Variants in DIS3L2 observed in about 807,000 individuals in gnomAD.
DIS3L2 encodes DIS3 like 3'-5' exoribonuclease 2.
Under a neutral mutation model 97.5 loss-of-function variants are expected in DIS3L2, and 34 were observed. That is an observed-to-expected ratio of 0.35 (90% confidence interval 0.27 to 0.46). The LOEUF is 0.46. DIS3L2 is among the 20% of genes least tolerant of loss of function. DIS3L2 has a pLI of 1.00. For missense variants in DIS3L2, 1,038 were observed against 1,146.0 expected, an observed-to-expected ratio of 0.91 and a Z score of 1.36; for synonymous variants, 435 against 445.2, an observed-to-expected ratio of 0.98 and a Z score of 0.29.
chr2:232,193,426 G>A (rs1691668439), intron 9 of DIS3L2, among the ~76,000 whole-genome samples: 1 of 152,210 alleles, frequency 6.6e-6, no homozygotes, highest in South Asian at 2.1e-4. Context: ...TTGTGGCAGA[G>A]TTTAATGTAA....
chr2:231,981,150 G>A (rs2106178219), intron 1 of DIS3L2, among the ~76,000 whole-genome samples: 1 of 152,160 alleles, frequency 6.6e-6, no homozygotes, highest in Middle Eastern at 3.4e-3. Context: ...CTCCATGTTG[G>A]GCAGGCTAGT....
intron 13 of DIS3L2, among the ~76,000 whole-genome samples, chr2:232,266,863 C>T (rs989817502): frequency 2.6e-5 from 4 of 152,076 alleles, no homozygotes; most frequent in Admixed American, 2.0e-4. Context: ...TGAGTCTGTG[C>T]GAGGGGGTAC....
chr2:232,139,630 T>C (rs1375753704), intron 8 of DIS3L2, among the ~76,000 whole-genome samples: 1 of 152,158 alleles, frequency 6.6e-6, no homozygotes, highest in Non-Finnish European at 1.5e-5. Context: ...AACAGAATGT[T>C]CTAAGTTCTT....
At chr2:232,052,411 G>A (rs900547452) in intron 5 of DIS3L2, among the ~76,000 whole-genome samples, 1 of 152,162 alleles carries the variant, frequency 6.6e-6, no homozygotes, top group African/African-American at 2.4e-5. Context: ...TCTCCTTGGG[G>A]TCTCAAATAC....
At chr2:232,317,446 G>T (rs955062073) in intron 14 of DIS3L2, among the ~76,000 whole-genome samples, 2 of 152,072 alleles carry the variant, frequency 1.3e-5, no homozygotes, top group Non-Finnish European at 2.9e-5. Context: ...GGGGTGGGGA[G>T]GTAGAAGGTA....
intron 11 of DIS3L2, among the ~76,000 whole-genome samples, chr2:232,245,159 T>G (rs1014452226): frequency 3.3e-5 from 5 of 152,182 alleles, no homozygotes; most frequent in Non-Finnish European, 7.4e-5. Context: ...GCCAGGAGTT[T>G]CCCAGCTCCT....
At chr2:231,971,051 CTT>C (rs1434297704) in intron 1 of DIS3L2, among the ~76,000 whole-genome samples, 1 of 152,230 alleles carries the variant, frequency 6.6e-6, no homozygotes, top group Non-Finnish European at 1.5e-5. Context: ...GCTGAAAAGT[CTT>C]CAGGGGCAGT....
At chr2:232,305,760 G>A (rs2106326299) in intron 14 of DIS3L2, among the ~76,000 whole-genome samples, 1 of 152,180 alleles carries the variant, frequency 6.6e-6, no homozygotes, top group South Asian at 2.1e-4. Context: ...TTCGAGACCA[G>A]CCTGGCCAAC....
intron 5 of DIS3L2, among the ~76,000 whole-genome samples, chr2:232,082,236 C>A (rs1374183060): frequency 6.6e-6 from 1 of 152,168 alleles, no homozygotes; most frequent in Non-Finnish European, 1.5e-5. Flanking sequence ...GAATAAAATG[C>A]TTTAAAGAAG....
At chr2:232,241,716 C>G (rs1399820871) in intron 11 of DIS3L2, among the ~76,000 whole-genome samples, 1 of 152,200 alleles carries the variant, frequency 6.6e-6, no homozygotes, top group East Asian at 1.9e-4. Flanking sequence ...GTCTGTCTTT[C>G]TCAGAAGGAC....
intron 15 of DIS3L2, 58 bp downstream of exon 15, chr2:232,330,054 TG>T: frequency 6.5e-7 from 1 of 1,550,278 alleles, no homozygotes; most frequent in Non-Finnish European, 8.7e-7. Context: ...GAGAAAGACC[TG>T]GAAGGTGGGG....
At chr2:232,068,577 G>A (rs1421815604) in intron 5 of DIS3L2, among the ~76,000 whole-genome samples, 1 of 150,886 alleles carries the variant, frequency 6.6e-6, no homozygotes, top group African/African-American at 2.4e-5. Context: ...GTGAGACCCT[G>A]CCTCAAAAAA....
chr2:232,166,542 C>T (rs897640541), intron 9 of DIS3L2, among the ~76,000 whole-genome samples: 1 of 152,142 alleles, frequency 6.6e-6, no homozygotes, highest in Middle Eastern at 3.2e-3. Context: ...ATGGTGAAAC[C>T]TCATCTCTAC....
intron 8 of DIS3L2, among the ~76,000 whole-genome samples, chr2:232,159,775 C>G (rs11691482): frequency 0.012 from 1,820 of 152,280 alleles, 17 homozygotes; most frequent in Non-Finnish European, 0.018. Flanking sequence ...GGCCTTTAAC[C>G]AAGTTGAAGA....
intron 5 of DIS3L2, among the ~76,000 whole-genome samples, chr2:232,045,397 T>C (rs1056322428): frequency 6.6e-6 from 1 of 152,200 alleles, no homozygotes; most frequent in African/African-American, 2.4e-5. Flanking sequence ...TTTGTGCTGC[T>C]GTAACAAAAC....
intron 14 of DIS3L2, among the ~76,000 whole-genome samples, chr2:232,314,140 G>A (rs1208970999): frequency 2.0e-5 from 3 of 152,198 alleles, no homozygotes; most frequent in African/African-American, 7.2e-5. Context: ...GGCCCTAAAG[G>A]GCTGCAGCCC....
chr2:232,189,943 A>G (rs1691563730), intron 9 of DIS3L2, among the ~76,000 whole-genome samples: 1 of 152,274 alleles, frequency 6.6e-6, no homozygotes, highest in Non-Finnish European at 1.5e-5. Flanking sequence ...GGAAAGTAAT[A>G]TAATGTGAGG....
At chr2:232,246,426 G>C (rs551821971) in intron 11 of DIS3L2, among the ~76,000 whole-genome samples, 5 of 152,360 alleles carry the variant, frequency 3.3e-5, no homozygotes, top group African/African-American at 1.2e-4. Flanking sequence ...GGTGTTGCCA[G>C]TGCCCCGGGA....
rs543360422 is a variant in DIS3L2 at position 232,329,982 on chromosome 2, G to T, written c.1909G>T (p.Ala637Ser). 2 of 1,610,388 alleles carry T rather than the reference G, an allele frequency of 1.2e-6. No individual in the cohort carries two copies. The highest frequency in any genetic ancestry group is 1.7e-6 in the Non-Finnish European group (2 of 1,178,334). Residue 637 changes from alanine to serine, a missense_variant, in exon 15 of 21, where the codon GCA becomes TCA. Ala to Ser is a moderately conservative substitution (Grantham distance 99). This residue lies in a region of DIS3L2 where 813 missense variants were observed against 880.1 expected (regional missense o/e 0.92). Transcript: ENST00000325385. ...QMGLPVDFSS[A>S]GALNKSLTQT... ...GGGGCTGCCCGTGGACTTCAGCTCC[G>T]CAGGAGCCCTCAATGTGAGTGGTGG...
Sources: gnomAD v4.1 joint callset for allele counts (sites outside exome capture counted in the v4.1 genomes callset) on GRCh38, gnomAD v4.1.1 for gene constraint, gnomAD v4.1.1 regional missense constraint, MANE v1.5 for transcripts, NCBI Gene and HGNC (gene_info 2026-07-23, HGNC 2026-07-21) for gene names.